Variants in DPP4 observed in about 807,000 individuals in gnomAD.
DPP4 encodes ADCP-2.
Under a neutral mutation model 122.4 loss-of-function variants are expected in DPP4, and 93 were observed. That is an observed-to-expected ratio of 0.76 (90% CI 0.64 to 0.90). The LOEUF (loss-of-function observed/expected upper bound fraction) is 0.90. DPP4 is among the 40% of genes least tolerant of loss of function. The pLI is 0.00. For missense variants in DPP4, 914 were observed against 907.3 expected, an observed-to-expected ratio of 1.01 and a Z score of -0.09; for synonymous variants, 321 against 302.9, an observed-to-expected ratio of 1.06 and a Z score of -0.62.
At chr2:162,028,072 CA>C (rs1218962922) in intron 10 of DPP4, among the ~76,000 whole-genome samples, 6 of 145,738 alleles carry the variant, frequency 4.1e-5, no homozygotes, top group African/African-American at 1.5e-4. Context: ...AAAAAAAAAA[CA>C]AAAAACTGCC....
chr2:162,070,335 T>C (rs966796051), intron 2 of DPP4, among the ~76,000 whole-genome samples: 7 of 152,080 alleles, frequency 4.6e-5, no homozygotes, highest in African/African-American at 1.7e-4. Context: ...TGGCTCCCCA[T>C]TCACTAGCCC....
intron 22 of DPP4, among the ~76,000 whole-genome samples, chr2:162,008,109 T>G (rs1559706681): frequency 6.6e-6 from 1 of 152,070 alleles, no homozygotes; most frequent in Non-Finnish European, 1.5e-5. Context: ...CTTTCACCTA[T>G]TAAGAATGAA....
At chr2:162,061,307 C>T (rs1363413399) in intron 2 of DPP4, among the ~76,000 whole-genome samples, 1 of 152,152 alleles carries the variant, frequency 6.6e-6, no homozygotes, top group Non-Finnish European at 1.5e-5. Context: ...TGCTGCATCC[C>T]CAAGCCATCT....
At chr2:162,053,003 T>C (rs1169801388) in intron 2 of DPP4, among the ~76,000 whole-genome samples, 1 of 152,212 alleles carries the variant, frequency 6.6e-6, no homozygotes, top group Admixed American at 6.5e-5. Context: ...GAAAAAAATG[T>C]ATTCAGGTTG....
intron 5 of DPP4, among the ~76,000 whole-genome samples, chr2:162,040,936 T>G (rs376581814): frequency 6.6e-5 from 10 of 151,840 alleles, no homozygotes; most frequent in African/African-American, 2.4e-4. Context: ...TAAAAAAAAA[T>G]GAATCAGAGC....
intron 12 of DPP4, among the ~76,000 whole-genome samples, chr2:162,021,881 C>G (rs908866235): frequency 1.4e-5 from 2 of 146,542 alleles, no homozygotes; most frequent in African/African-American, 2.5e-5. Context: ...TCCCCTCTGC[C>G]CAATCAATGC....
intron 3 of DPP4, 130 bp downstream of exon 3, chr2:162,047,273 G>C: frequency 4.3e-6 from 2 of 470,376 alleles, no homozygotes; most frequent in Non-Finnish European, 7.3e-6. Context: ...AGTAGAAAAA[G>C]AAAAAAAAAA....
At chr2:162,035,630 C>T (rs1279195570) in intron 8 of DPP4, among the ~76,000 whole-genome samples, 2 of 152,104 alleles carry the variant, frequency 1.3e-5, no homozygotes, top group East Asian at 3.9e-4. Context: ...TGCCTCAAAA[C>T]ATACTAAAAG....
chr2:162,048,801 C>G (rs1684280779), intron 2 of DPP4, among the ~76,000 whole-genome samples: 1 of 152,170 alleles, frequency 6.6e-6, no homozygotes, highest in African/African-American at 2.4e-5. Context: ...TTTGCTCTGC[C>G]TACCCATGTG....
At position 162,030,786 on chromosome 2, in the gene DPP4, C is replaced by G. The variant is rs76625307; in HGVS notation, c.887+2755G>C. On this transcript the variant is annotated intron_variant, in intron 10 of 25. Coordinates refer to ENST00000360534, the MANE Select transcript of DPP4 (RefSeq NM_001935.4). Reference sequence around the variant, plus strand: ...AGACCAGAGCTATATTTTAAACTCCCTAAAAAACACATTCCTGTGGCATTT... The same window carrying G: ...AGACCAGAGCTATATTTTAAACTCCGTAAAAAACACATTCCTGTGGCATTT... Among the ~76,000 whole-genome samples, 69 of 152,276 alleles carry G rather than the reference C, an allele frequency of 4.5e-4. No homozygotes were observed. In the East Asian group the frequency reaches 0.011, roughly 24 times the overall value.
rs1310647761 is a variant in DPP4 at position 162,033,054 on chromosome 2, G to T, written c.887+487C>A. ...CCTTGCATTTCCTCCAACACCCCAA[G>T]CACATCTCCTCTGCAGGGCCTTTGC... On this transcript the variant is annotated intron_variant, in intron 10 of 25. Transcript: ENST00000360534. 2.0e-5 allele frequency among the ~76,000 whole-genome samples: 3 copies of T among 152,066 alleles called. No homozygotes were observed. The East Asian group carries it at 5.8e-4, about 29-fold the overall frequency.
chr2:162,044,052 T>G (rs1684089707), intron 5 of DPP4, among the ~76,000 whole-genome samples: 1 of 152,082 alleles, frequency 6.6e-6, no homozygotes, highest in African/African-American at 2.4e-5. Context: ...AGATACTGAT[T>G]CTGGCTTTAC....
chr2:162,074,119 A>T lies in DPP4; in HGVS notation c.-138T>A, dbSNP rs1559730515. ...CGCTGGCAAGTTTCGGCCCCGAGTTAAACATTAGTGAGCGCCGAGCCCGCT... is the reference window on the plus strand; with the variant it reads ...CGCTGGCAAGTTTCGGCCCCGAGTTTAACATTAGTGAGCGCCGAGCCCGCT... On this transcript the variant is annotated 5_prime_UTR_variant, in exon 1 of 26. Transcript: ENST00000360534. 6.9e-7 allele frequency: 1 copy of T among 1,446,884 alleles called. No individual in the cohort carries two copies. Among genetic ancestry groups the T allele is most frequent in the Non-Finnish European group, 9.1e-7 (1 of 1,099,328 alleles). 89.6% of individuals were successfully genotyped at this position (1,446,884 alleles called of 1,614,324 possible). A position where few individuals can be genotyped will look rare whatever the true frequency, so the allele number is the denominator to read the frequency against.
chr2:162,033,686 CAAA>C (rs11437441), intron 9 of DPP4, 33 bp from the exon 10 acceptor site: 24 of 1,134,832 alleles, frequency 2.1e-5, no homozygotes, highest in South Asian at 4.8e-5. Flanking sequence ...TTGGTATTGA[CAAA>C]AAAAAAAAAG....
At chr2:162,028,070 AAC>A (rs999437867) in intron 10 of DPP4, among the ~76,000 whole-genome samples, 15 of 151,290 alleles carry the variant, frequency 9.9e-5, no homozygotes, top group East Asian at 3.9e-4. Flanking sequence ...AAAAAAAAAA[AAC>A]AAAAAACTGC....
chr2:162,024,108 G>A (rs1215858189), intron 11 of DPP4, among the ~76,000 whole-genome samples: 3 of 152,188 alleles, frequency 2.0e-5, no homozygotes, highest in East Asian at 3.9e-4. Flanking sequence ...TAGGCAGAGG[G>A]TCTGTGACTA....
At chr2:162,071,637 A>AT (rs1339295191) in intron 2 of DPP4, among the ~76,000 whole-genome samples, 1 of 152,234 alleles carries the variant, frequency 6.6e-6, no homozygotes. Context: ...CCTCTAAGTT[A>AT]TTTTTTTGAA....
chr2:162,023,210 T>C (rs958525029), intron 11 of DPP4, among the ~76,000 whole-genome samples: 1 of 152,166 alleles, frequency 6.6e-6, no homozygotes, highest in Admixed American at 6.5e-5. Flanking sequence ...CCTAGTTCTT[T>C]GACTTCTCTG....
chr2:162,067,567 C>T (rs1015997959), intron 2 of DPP4, among the ~76,000 whole-genome samples: 1 of 152,094 alleles, frequency 6.6e-6, no homozygotes, highest in Admixed American at 6.6e-5. Flanking sequence ...ACATTAATGC[C>T]CCCAGTTAAA....
Sources: gnomAD v4.1 joint callset for allele counts (sites outside exome capture counted in the v4.1 genomes callset) on GRCh38, gnomAD v4.1.1 for gene constraint, MANE v1.5 for transcripts, NCBI Gene and HGNC (gene_info 2026-07-23, HGNC 2026-07-21) for gene names.